CCBE1: variants seen among roughly 807,000 people sequenced by gnomAD.
The protein encoded by CCBE1 is collagen and calcium binding EGF domains 1, also known as collagen and calcium-binding EGF domain-containing protein 1.
Under a neutral mutation model 50.0 loss-of-function variants are expected in CCBE1, and 37 were observed. The observed-to-expected ratio is 0.74, with a 90% CI of 0.57 to 0.97. The LOEUF is 0.97. CCBE1 is among the 50% of genes least tolerant of loss of function. CCBE1 has a pLI of 0.00. For missense variants in CCBE1, 538 were observed against 523.8 expected, an observed-to-expected ratio of 1.03 and a Z score of -0.26; for synonymous variants, 234 against 203.7, an observed-to-expected ratio of 1.15 and a Z score of -1.27.
intron 2 of CCBE1, among the ~76,000 whole-genome samples, chr18:59,544,722 A>G (rs1915615081): frequency 1.3e-5 from 2 of 152,220 alleles, no homozygotes; most frequent in Admixed American, 1.3e-4. Flanking sequence ...CTGTATGACA[A>G]AGAAAGGGCA....
At chr18:59,564,621 T>C (rs1126010) in intron 2 of CCBE1, among the ~76,000 whole-genome samples, 1 of 152,102 alleles carries the variant, frequency 6.6e-6, no homozygotes, top group Non-Finnish European at 1.5e-5. Context: ...TACCAACTAT[T>C]TTATGAAGTC....
intron 6 of CCBE1, among the ~76,000 whole-genome samples, chr18:59,450,835 TAC>T (rs1463246397): frequency 6.6e-6 from 1 of 152,184 alleles, no homozygotes; most frequent in Non-Finnish European, 1.5e-5. Context: ...GCGCCCGGCC[TAC>T]AGTCAGTTTA....
intron 2 of CCBE1, among the ~76,000 whole-genome samples, chr18:59,660,618 T>C (rs1256906989): frequency 3.3e-5 from 5 of 152,210 alleles, no homozygotes; most frequent in Non-Finnish European, 4.4e-5. Context: ...TTGACATCTG[T>C]ATGTGTGCTT....
chr18:59,556,935 C>T (rs2144433983), intron 2 of CCBE1, among the ~76,000 whole-genome samples: 1 of 152,308 alleles, frequency 6.6e-6, no homozygotes, highest in Non-Finnish European at 1.5e-5. Flanking sequence ...TCAGAATTCC[C>T]AGCCCTGCCA....
At chr18:59,687,988 A>G (rs1363244575) in intron 2 of CCBE1, among the ~76,000 whole-genome samples, 1 of 152,172 alleles carries the variant, frequency 6.6e-6, no homozygotes. Context: ...TTAATCACTG[A>G]TATATTCTGC....
chr18:59,583,830 T>A (rs2053132343), intron 2 of CCBE1, among the ~76,000 whole-genome samples: 2 of 152,226 alleles, frequency 1.3e-5, no homozygotes. Flanking sequence ...TTTGGATCTG[T>A]GTCCCTGTGC....
intron 2 of CCBE1, among the ~76,000 whole-genome samples, chr18:59,518,887 C>T (rs1914483119): frequency 6.6e-6 from 1 of 152,170 alleles, no homozygotes; most frequent in South Asian, 2.1e-4. Context: ...AGCCCTGAAC[C>T]AATGACTGAC....
At chr18:59,680,792 A>G (rs2054579457) in intron 2 of CCBE1, among the ~76,000 whole-genome samples, 1 of 152,188 alleles carries the variant, frequency 6.6e-6, no homozygotes, top group Admixed American at 6.5e-5. Context: ...TCAGGTTACA[A>G]ACCCAGCCTT....
intron 3 of CCBE1, among the ~76,000 whole-genome samples, chr18:59,471,994 G>A (rs1185154157): frequency 2.0e-5 from 3 of 152,216 alleles, no homozygotes; most frequent in African/African-American, 7.2e-5. Flanking sequence ...GAGCTCCTGT[G>A]TCTACCAAAA....
intron 2 of CCBE1, among the ~76,000 whole-genome samples, chr18:59,520,561 G>C (rs1196646116): frequency 2.6e-5 from 4 of 152,202 alleles, no homozygotes; most frequent in Admixed American, 6.5e-5. Flanking sequence ...TGAATGTCAA[G>C]GTATGCATAC....
chr18:59,672,674 C>T (rs959287669), intron 2 of CCBE1, among the ~76,000 whole-genome samples: 2 of 152,248 alleles, frequency 1.3e-5, no homozygotes, highest in African/African-American at 4.8e-5. Context: ...TCTAATGAGC[C>T]TTGCCCAAAT....
At chr18:59,597,704 T>C (rs926658266) in intron 2 of CCBE1, among the ~76,000 whole-genome samples, 4 of 152,212 alleles carry the variant, frequency 2.6e-5, no homozygotes, top group African/African-American at 4.8e-5. Context: ...CAGGACTTCA[T>C]GTTTCTTCAT....
At position 59,658,321 on chromosome 18, in the gene CCBE1, TAAAAAAAAAAA is replaced by T. The variant is rs1157998930; in HGVS notation, c.212+38297_212+38307del. Among the ~76,000 whole-genome samples, 49 of 6,424 alleles carry T rather than the reference TAAAAAAAAAAA, an allele frequency of 7.6e-3. 3 individuals are homozygous for T. The highest frequency in any genetic ancestry group is 7.4e-3 in the Admixed American group (2 of 272). 4.2% of individuals were successfully genotyped at this position (6,424 alleles called of 152,430 possible). On this transcript the variant is annotated intron_variant, in intron 2 of 10. Transcript: ENST00000439986. ...GAGCAACATAGCAAGACCCTGTCTC[TAAAAAAAAAAA>T]AAAAAAAAAAAAAAAAAAAAAAATA...
intron 2 of CCBE1, chr18:59,563,816 A>G (rs1258212463): frequency 6.6e-6 from 1 of 152,164 alleles, no homozygotes; most frequent in African/African-American, 2.4e-5. Flanking sequence ...ACCCCAAATC[A>G]TTGGTACCTC....
chr18:59,589,205 G>A (rs756021640), intron 2 of CCBE1, among the ~76,000 whole-genome samples: 2 of 152,128 alleles, frequency 1.3e-5, no homozygotes, highest in Admixed American at 1.3e-4. Context: ...TTCCTAGATT[G>A]CCAATTCACC....
At chr18:59,538,089 T>C (rs1351016005) in intron 2 of CCBE1, among the ~76,000 whole-genome samples, 1 of 152,132 alleles carries the variant, frequency 6.6e-6, no homozygotes, top group Non-Finnish European at 1.5e-5. Flanking sequence ...ATACGTCCAA[T>C]AAGATAATGC....
chr18:59,466,345 T>C (rs1044711429), intron 5 of CCBE1, among the ~76,000 whole-genome samples: 7 of 152,004 alleles, frequency 4.6e-5, no homozygotes, highest in Admixed American at 2.6e-4. Flanking sequence ...CCGGTACACG[T>C]TCTCTTGCCT....
intron 2 of CCBE1, among the ~76,000 whole-genome samples, chr18:59,566,833 C>A (rs1215976802): frequency 1.3e-5 from 2 of 152,206 alleles, no homozygotes; most frequent in East Asian, 3.9e-4. Flanking sequence ...ATGATGGCTG[C>A]TTCCTGGAAT....
intron 4 of CCBE1, among the ~76,000 whole-genome samples, 157 bp from the exon 5 acceptor site, chr18:59,467,048 T>A (rs1390784219): frequency 6.6e-6 from 1 of 152,248 alleles, no homozygotes; most frequent in East Asian, 1.9e-4. Flanking sequence ...GCTAGAAATG[T>A]GGGTCATCCA....
Sources: gnomAD v4.1 joint callset for allele counts (sites outside exome capture counted in the v4.1 genomes callset) on GRCh38, gnomAD v4.1.1 for gene constraint, MANE v1.5 for transcripts, NCBI Gene and HGNC (gene_info 2026-07-23, HGNC 2026-07-21) for gene names.